ALK: variants seen among roughly 807,000 people sequenced by gnomAD.
ALK encodes ALK receptor tyrosine kinase.
Under a neutral mutation model 163.1 loss-of-function variants are expected in ALK, and 74 were observed. The observed-to-expected ratio is 0.45, with a 90% confidence interval of 0.38 to 0.55. The LOEUF is 0.55. ALK is among the 20% of genes least tolerant of loss of function. ALK has a pLI of 0.00. For synonymous variants in ALK, 960 were observed against 843.2 expected (o/e 1.14, Z -2.40); for missense variants, 2,063 against 2,105.3 (o/e 0.98, Z 0.39).
In ALK at chr2:29,641,075, C is replaced by T. The variant is rs548807607; in HGVS notation, c.952+53775G>A. On this transcript the variant is annotated intron_variant, in intron 3 of 28. Transcript: ENST00000389048. ...GGTGAGGGGAAGAAGAGGAACAGCTCCCAGTGGGGCTGCTGAAGGAAGTGG... is the reference window on the plus strand; with the variant it reads ...GGTGAGGGGAAGAAGAGGAACAGCTTCCAGTGGGGCTGCTGAAGGAAGTGG... Among the ~76,000 whole-genome samples the T allele has an allele frequency of 2.0e-5, 3 of 152,074 alleles. No homozygotes were observed. In the South Asian group the frequency reaches 6.3e-4, roughly 32 times the overall value.
chr2:29,576,639 C>G (rs1674532714), intron 3 of ALK, among the ~76,000 whole-genome samples: 1 of 152,172 alleles, frequency 6.6e-6, no homozygotes, highest in Non-Finnish European at 1.5e-5. Flanking sequence ...CACAGACCAT[C>G]CAGGAGGAGG....
intron 1 of ALK, among the ~76,000 whole-genome samples, chr2:29,903,480 C>T (rs1300705626): frequency 6.6e-6 from 1 of 152,110 alleles, no homozygotes; most frequent in Non-Finnish European, 1.5e-5. Context: ...CAGTCCCAAC[C>T]CTAACATAAA....
intron 1 of ALK, among the ~76,000 whole-genome samples, chr2:29,838,942 T>C (rs1217838028): frequency 6.6e-6 from 1 of 152,204 alleles, no homozygotes; most frequent in Non-Finnish European, 1.5e-5. Context: ...TAAAAATGTT[T>C]AAAAGTTATT....
intron 1 of ALK, among the ~76,000 whole-genome samples, chr2:29,911,597 C>T (rs11688109): frequency 0.34 from 52,047 of 152,136 alleles, 10,525 homozygotes; most frequent in Middle Eastern, 0.48. Flanking sequence ...AATTCGCTGA[C>T]GGAACTGGCC....
At chr2:29,836,669 G>C (rs913630458) in intron 1 of ALK, among the ~76,000 whole-genome samples, 3 of 152,186 alleles carry the variant, frequency 2.0e-5, no homozygotes, top group African/African-American at 7.2e-5. Context: ...CCCCTAATCT[G>C]TTACCTCCTT....
At chr2:29,403,469 C>A (rs1295583346) in intron 4 of ALK, among the ~76,000 whole-genome samples, 2 of 152,036 alleles carry the variant, frequency 1.3e-5, no homozygotes, top group Non-Finnish European at 2.9e-5. Flanking sequence ...TCTAAGTGAG[C>A]CTGTGTTGAC....
chr2:29,458,259 C>G (rs1671007449), intron 4 of ALK, among the ~76,000 whole-genome samples: 1 of 152,102 alleles, frequency 6.6e-6, no homozygotes, highest in Admixed American at 6.5e-5. Flanking sequence ...TAACTTGGGA[C>G]ACACAGCCTG....
intron 18 of ALK, among the ~76,000 whole-genome samples, chr2:29,226,478 CAAAAAAA>C (rs3028223): frequency 0.015 from 1,316 of 84,928 alleles, 23 homozygotes; most frequent in African/African-American, 0.055. Flanking sequence ...AACTCCGCCT[CAAAAAAA>C]AAAAAAAAAA....
intron 8 of ALK, among the ~76,000 whole-genome samples, chr2:29,305,305 G>A (rs999995555): frequency 1.3e-4 from 20 of 152,176 alleles, no homozygotes; most frequent in African/African-American, 4.8e-4. Context: ...ATAACCGAGA[G>A]AGAGAAAAAG....
intron 1 of ALK, among the ~76,000 whole-genome samples, chr2:29,725,412 C>G (rs1042008733): frequency 6.6e-6 from 1 of 152,162 alleles, no homozygotes; most frequent in African/African-American, 2.4e-5. Flanking sequence ...TCAAATCCCT[C>G]CTCCTCAAGG....
chr2:29,525,755 C>T (rs962880433), intron 4 of ALK, among the ~76,000 whole-genome samples: 2 of 135,268 alleles, frequency 1.5e-5, no homozygotes, highest in African/African-American at 5.6e-5. Flanking sequence ...CACGCCACTA[C>T]ACTCCAGCCT....
intron 4 of ALK, among the ~76,000 whole-genome samples, chr2:29,518,206 T>C (rs1672721907): frequency 6.6e-6 from 1 of 152,204 alleles, no homozygotes; most frequent in Admixed American, 6.5e-5. Flanking sequence ...ACAGTGCAGC[T>C]CATACTCTTC....
intron 5 of ALK, among the ~76,000 whole-genome samples, chr2:29,345,590 T>G (rs555756060): frequency 1.8e-4 from 28 of 151,974 alleles, no homozygotes; most frequent in Non-Finnish European, 3.8e-4. Context: ...ACTTTGTATT[T>G]AAGACCTTTG....
intron 9 of ALK, among the ~76,000 whole-genome samples, chr2:29,277,320 G>A (rs1049257628): frequency 6.6e-6 from 1 of 152,250 alleles, no homozygotes. Context: ...TCTGATCAAC[G>A]TGTAGAAGAT....
chr2:29,785,909 G>A (rs1159571629), intron 1 of ALK, among the ~76,000 whole-genome samples: 1 of 138,300 alleles, frequency 7.2e-6, no homozygotes, highest in Non-Finnish European at 1.5e-5. Flanking sequence ...ATGTTTTTGA[G>A]TATACACACA....
intron 4 of ALK, among the ~76,000 whole-genome samples, chr2:29,483,043 G>C (rs530648831): frequency 6.6e-6 from 1 of 152,250 alleles, no homozygotes; most frequent in Admixed American, 6.5e-5. Flanking sequence ...TTCTAGAATA[G>C]GAAACCCAAA....
At chr2:29,760,517 C>T (rs1476811650) in intron 1 of ALK, among the ~76,000 whole-genome samples, 1 of 152,034 alleles carries the variant, frequency 6.6e-6, no homozygotes, top group Non-Finnish European at 1.5e-5. Flanking sequence ...TAGAACCTCA[C>T]TAAGGTCCAC....
chr2:29,408,081 C>CTTTTTTTTTTTTTTTT (rs760683752), intron 4 of ALK, among the ~76,000 whole-genome samples: 2 of 140,850 alleles, frequency 1.4e-5, no homozygotes, highest in South Asian at 2.2e-4. Context: ...AGGGAAAGTT[C>CTTTTTTTTTTTTTTTT]TTTTTCTTTT....
At chr2:29,261,136 G>C (rs895517977) in intron 11 of ALK, among the ~76,000 whole-genome samples, 1 of 152,124 alleles carries the variant, frequency 6.6e-6, no homozygotes, top group Admixed American at 6.6e-5. Context: ...CTGGCTTTCT[G>C]TAATTTCTAG....
Sources: allele counts gnomAD v4.1 joint callset (sites outside exome capture counted in the v4.1 genomes callset), GRCh38; gene constraint gnomAD v4.1.1; transcripts MANE v1.5; gene names NCBI Gene and HGNC (gene_info 2026-07-23, HGNC 2026-07-21).